Variants in KHDRBS2 observed in about 807,000 individuals in gnomAD.
KHDRBS2 encodes the protein KH RNA binding domain containing, signal transduction associated 2.
KHDRBS2 carries 26 observed loss-of-function variants against 44.3 expected under a neutral mutation model. The observed-to-expected ratio is 0.59, with a 90% confidence interval of 0.43 to 0.81. The LOEUF (loss-of-function observed/expected upper bound fraction) is 0.81, where lower values mean the gene tolerates loss of function less well. Among genes scored for constraint, KHDRBS2 ranks in the 40% least tolerant of loss-of-function variants. KHDRBS2 has a pLI of 0.00. For synonymous variants in KHDRBS2, 194 were observed against 151.1 expected (o/e 1.28, Z -2.08); for missense variants, 476 against 433.1 (o/e 1.10, Z -0.88).
chr6:61,766,384 A>G (rs1307075807), intron 6 of KHDRBS2, among the ~76,000 whole-genome samples: 1 of 151,862 alleles, frequency 6.6e-6, no homozygotes, highest in Non-Finnish European at 1.5e-5. Flanking sequence ...TAGTCTTGGT[A>G]AAGGTTTGCC....
the KHDRBS2 span, among the ~76,000 whole-genome samples, chr6:61,639,449 C>T: frequency 1.3e-5 from 2 of 151,968 alleles, no homozygotes; most frequent in Non-Finnish European, 2.9e-5. Flanking sequence ...ACAGATTGAG[C>T]TTTCTCTTTT....
intron 4 of KHDRBS2, among the ~76,000 whole-genome samples, chr6:61,955,351 T>C (rs977463979): frequency 1.7e-5 from 2 of 116,514 alleles, no homozygotes; most frequent in African/African-American, 7.0e-5. Context: ...TATGTATACA[T>C]ATATATGTAT....
chr6:61,896,824 A>C (rs1476358147), intron 5 of KHDRBS2, among the ~76,000 whole-genome samples: 7 of 152,308 alleles, frequency 4.6e-5, no homozygotes, highest in Non-Finnish European at 4.4e-5. Flanking sequence ...ACTGATTTCC[A>C]AATCCACTAG....
At chr6:61,566,495 C>G in the KHDRBS2 span, among the ~76,000 whole-genome samples, 1 of 152,122 alleles carries the variant, frequency 6.6e-6, no homozygotes, top group Non-Finnish European at 1.5e-5. Flanking sequence ...CAAAATATCA[C>G]ATGTACCCCA....
intron 6 of KHDRBS2, among the ~76,000 whole-genome samples, chr6:61,806,891 A>G (rs1220450428): frequency 6.6e-6 from 1 of 152,152 alleles, no homozygotes; most frequent in Non-Finnish European, 1.5e-5. Context: ...GTATATATAC[A>G]TTGTGTGGTA....
At chr6:62,124,362 G>A (rs942528614) in intron 2 of KHDRBS2, among the ~76,000 whole-genome samples, 1 of 152,148 alleles carries the variant, frequency 6.6e-6, no homozygotes, top group African/African-American at 2.4e-5. Flanking sequence ...GTCCTTGTGT[G>A]ATCCTATTTC....
At chr6:62,242,598 A>C (rs1585380136) in intron 1 of KHDRBS2, among the ~76,000 whole-genome samples, 1 of 152,218 alleles carries the variant, frequency 6.6e-6, no homozygotes, top group East Asian at 1.9e-4. Flanking sequence ...AAAAAGGAGA[A>C]CCATTGGTAA....
rs564857808 is a variant in KHDRBS2 at position 61,980,146 on chromosome 6, C to T, written c.337-1934G>A. ...TACTTGGGATGACCCTTCGGAATCA[C>T]ATCTTCCATAAGCAGTGTATCCAAT... On this transcript the variant is annotated intron_variant, in intron 3 of 8. Transcript: ENST00000281156. Among the ~76,000 whole-genome samples, 12 of 152,286 alleles carry T rather than the reference C, an allele frequency of 7.9e-5. 2 individuals are homozygous for T. Among genetic ancestry groups the T allele is most frequent in the Admixed American group, 7.9e-4 (12 of 15,286 alleles).
At position 61,945,127 on chromosome 6, in the gene KHDRBS2, A is replaced by ATG. The variant is rs1562490714; in HGVS notation, c.483+32938_483+32939insCA. Among the ~76,000 whole-genome samples, 41 of 89,066 alleles carry ATG rather than the reference A, an allele frequency of 4.6e-4. 3 individuals carry two copies. The highest frequency in any genetic ancestry group is 6.6e-4 in the Non-Finnish European group (28 of 42,626). 58.4% of individuals were successfully genotyped at this position (89,066 alleles called of 152,430 possible). A position where few individuals can be genotyped will look rare whatever the true frequency, so the allele number is the denominator to read the frequency against. On this transcript the variant is annotated intron_variant, in intron 4 of 8. Coordinates refer to ENST00000281156, the MANE Select transcript of KHDRBS2 (RefSeq NM_152688.4). The stretch of plus-strand genomic sequence containing the variant: ...AAAAAAAAAAAGTATATATATATAT[A>ATG]TATATATATATATATATATATATAC...
At chr6:61,847,166 G>T (rs1794536950) in intron 6 of KHDRBS2, among the ~76,000 whole-genome samples, 1 of 151,864 alleles carries the variant, frequency 6.6e-6, no homozygotes, top group Admixed American at 6.6e-5. Flanking sequence ...ATTTTTTATA[G>T]GGTAAGGACA....
At chr6:61,955,016 A>G (rs1766222767) in intron 4 of KHDRBS2, among the ~76,000 whole-genome samples, 1 of 137,002 alleles carries the variant, frequency 7.3e-6, no homozygotes, top group African/African-American at 3.0e-5. Flanking sequence ...ATGTATGTAT[A>G]CACACATACA....
intron 3 of KHDRBS2, among the ~76,000 whole-genome samples, chr6:61,982,670 CAAAA>C (rs1264177227): frequency 1.5e-5 from 1 of 66,014 alleles, no homozygotes; most frequent in African/African-American, 4.5e-5. Context: ...AACTCTGTCT[CAAAA>C]AAAAAAAAAA....
rs1800106209 is a variant in KHDRBS2 at position 61,880,833 on chromosome 6, G to T, written c.810+13802C>A. Among the ~76,000 whole-genome samples, 3 of 151,674 alleles carry T rather than the reference G, an allele frequency of 2.0e-5. No homozygotes were observed. In the South Asian group the frequency reaches 6.3e-4, roughly 32 times the overall value. ...GAAGTGACAGAATATATGCAGGAAA[G>T]AATATTCTTACATGATTTCTATCAA... On this transcript the variant is annotated intron_variant, in intron 6 of 8. Coordinates refer to ENST00000281156, the MANE Select transcript of KHDRBS2 (RefSeq NM_152688.4).
At chr6:62,034,443 T>G (rs1264755627) in intron 3 of KHDRBS2, among the ~76,000 whole-genome samples, 17 of 151,596 alleles carry the variant, frequency 1.1e-4, no homozygotes, top group Non-Finnish European at 1.5e-5. Flanking sequence ...CAAACCAAAT[T>G]CAACAACACA....
chr6:61,685,315 C>G (rs1766703127), intron 8 of KHDRBS2, among the ~76,000 whole-genome samples: 1 of 151,734 alleles, frequency 6.6e-6, no homozygotes, highest in South Asian at 2.1e-4. Flanking sequence ...CTAAACTGGA[C>G]TCTAAGATCT....
At chr6:61,572,176 G>A in the KHDRBS2 span, among the ~76,000 whole-genome samples, 1 of 151,908 alleles carries the variant, frequency 6.6e-6, no homozygotes, top group South Asian at 2.1e-4. Flanking sequence ...GATTGTCCAA[G>A]GCTACTACAA....
At chr6:61,610,377 T>G in the KHDRBS2 span, among the ~76,000 whole-genome samples, 1 of 152,178 alleles carries the variant, frequency 6.6e-6, no homozygotes, top group Non-Finnish European at 1.5e-5. Context: ...ACAAATTATC[T>G]GAAAATTTAG....
At chr6:61,956,279 A>T (rs1583774805) in intron 4 of KHDRBS2, among the ~76,000 whole-genome samples, 1 of 152,142 alleles carries the variant, frequency 6.6e-6, no homozygotes, top group African/African-American at 2.4e-5. Context: ...AGCATATGTA[A>T]TTCTGATTCT....
chr6:61,897,699 T>TTCTCTG (rs200498493), intron 5 of KHDRBS2, among the ~76,000 whole-genome samples: 1,946 of 145,466 alleles, frequency 0.013, 46 homozygotes, highest in African/African-American at 0.048. Flanking sequence ...ATAAGACGGT[T>TTCTCTG]TCTCTGTCTC....
Sources: allele counts gnomAD v4.1 joint callset (sites outside exome capture counted in the v4.1 genomes callset), GRCh38; gene constraint gnomAD v4.1.1; transcripts MANE v1.5; gene names NCBI Gene and HGNC (gene_info 2026-07-23, HGNC 2026-07-21).